The following WDPCP variants were observed in gnomAD, a reference collection of about 807,000 sequenced individuals.
WDPCP encodes the protein WD repeat-containing and planar cell polarity effector protein fritz homolog.
In WDPCP, 71 loss-of-function variants were observed where a neutral mutation model predicts 93.1. That is an observed-to-expected ratio of 0.76 (90% CI 0.63 to 0.93). WDPCP has a LOEUF of 0.93. WDPCP is among the 40% of genes least tolerant of loss of function. WDPCP has a pLI of 0.00. For synonymous variants in WDPCP, 315 were observed against 315.0 expected (o/e 1.00, Z 0.00); for missense variants, 844 against 887.4 (o/e 0.95, Z 0.62).
At chr2:63,505,049 T>C (rs1321407075) in intron 1 of WDPCP, among the ~76,000 whole-genome samples, 1 of 152,024 alleles carries the variant, frequency 6.6e-6, no homozygotes, top group African/African-American at 2.4e-5. Context: ...CCTTATTTGG[T>C]AGTGGCACCC....
chr2:63,155,975 G>T (rs1252626720), intron 15 of WDPCP, among the ~76,000 whole-genome samples: 1 of 151,960 alleles, frequency 6.6e-6, no homozygotes, highest in Non-Finnish European at 1.5e-5. Context: ...ACTATATTGA[G>T]TCCAAACCGT....
chr2:63,824,879 A>T (rs1671089068), intron 1 of WDPCP, among the ~76,000 whole-genome samples: 1 of 152,168 alleles, frequency 6.6e-6, no homozygotes. Flanking sequence ...AGTCTTAGAC[A>T]CAATGGTGAA....
chr2:63,743,370 A>G (rs1293446907), intron 2 of WDPCP, among the ~76,000 whole-genome samples: 1 of 152,088 alleles, frequency 6.6e-6, no homozygotes, highest in Non-Finnish European at 1.5e-5. Context: ...TGTCCTTGCC[A>G]CCTGATGCTG....
chr2:63,175,728 C>T (rs886483156), intron 14 of WDPCP, among the ~76,000 whole-genome samples: 3 of 152,124 alleles, frequency 2.0e-5, no homozygotes, highest in Non-Finnish European at 4.4e-5. Flanking sequence ...GCATAATGTC[C>T]TCAAGGTTTA....
chr2:63,164,947 G>A (rs1672861423), intron 15 of WDPCP, among the ~76,000 whole-genome samples: 1 of 152,004 alleles, frequency 6.6e-6, no homozygotes, highest in Non-Finnish European at 1.5e-5. Context: ...CACAAGAGAA[G>A]GCAATAAGTG....
chr2:63,727,776 T>C (rs1323343146), intron 2 of WDPCP, among the ~76,000 whole-genome samples: 1 of 152,224 alleles, frequency 6.6e-6, no homozygotes, highest in Non-Finnish European at 1.5e-5. Context: ...AGTTCAGTCT[T>C]GGGAAGTTGT....
the WDPCP span, among the ~76,000 whole-genome samples, chr2:63,835,088 T>G: frequency 1.3e-5 from 2 of 151,820 alleles, no homozygotes; most frequent in African/African-American, 4.8e-5. Flanking sequence ...TGAAGTGCAA[T>G]TTAAAATGGC....
chr2:63,755,643 A>G (rs1470729706), intron 2 of WDPCP, among the ~76,000 whole-genome samples: 1 of 152,230 alleles, frequency 6.6e-6, no homozygotes, highest in African/African-American at 2.4e-5. Flanking sequence ...TGTCTATAGA[A>G]TCTCATAGGC....
chr2:63,359,293 A>C (rs1690258884), intron 12 of WDPCP, among the ~76,000 whole-genome samples: 1 of 152,248 alleles, frequency 6.6e-6, no homozygotes, highest in Non-Finnish European at 1.5e-5. Context: ...TTGCATTTCC[A>C]AGGAAAAATC....
At chr2:63,355,832 G>A (rs2104601339) in intron 12 of WDPCP, among the ~76,000 whole-genome samples, 1 of 152,288 alleles carries the variant, frequency 6.6e-6, no homozygotes, top group South Asian at 2.1e-4. Context: ...AGGTAGCAGT[G>A]AGCTGAGACT....
At position 63,178,158 on chromosome 2, in the gene WDPCP, C is replaced by T. The variant is rs542051680; in HGVS notation, c.1916-3326G>A. ...TAATGACTTTTGCTCCAATATCTAT[C>T]AAGAACGTTGGTCTGTAGTTTTCTT... On this transcript the variant is annotated intron_variant, in intron 14 of 17. Transcript: ENST00000272321. Among the ~76,000 whole-genome samples the T allele has an allele frequency of 2.0e-5, 3 of 152,272 alleles. No individual in the cohort carries two copies. The East Asian group carries it at 5.8e-4, about 29-fold the overall frequency.
chr2:63,696,293 G>A (rs1214408220), intron 2 of WDPCP, among the ~76,000 whole-genome samples: 7 of 97,968 alleles, frequency 7.1e-5, no homozygotes, highest in East Asian at 2.0e-4. Context: ...GATCCGATCC[G>A]TTGCTAATAC....
chr2:63,568,823 G>C (rs1707269622), intron 1 of WDPCP, among the ~76,000 whole-genome samples: 1 of 152,228 alleles, frequency 6.6e-6, no homozygotes, highest in Admixed American at 6.5e-5. Context: ...ATGCTTGCTT[G>C]GACCAGTATA....
intron 10 of WDPCP, among the ~76,000 whole-genome samples, chr2:63,383,710 C>CTCAA (rs770791519): frequency 9.9e-5 from 15 of 152,136 alleles, no homozygotes; most frequent in Admixed American, 3.9e-4. Context: ...GAGACTCTGT[C>CTCAA]TCAATCAATC....
chr2:63,659,138 A>G (rs1310258363), intron 2 of WDPCP, among the ~76,000 whole-genome samples: 1 of 152,248 alleles, frequency 6.6e-6, no homozygotes, highest in Non-Finnish European at 1.5e-5. Flanking sequence ...CATATTATTT[A>G]AAAGCTAAAT....
chr2:63,703,614 CACTCTGTTCTGTTCCATGG>C (rs1669098642), intron 2 of WDPCP, among the ~76,000 whole-genome samples: 6 of 151,944 alleles, frequency 3.9e-5, no homozygotes, highest in African/African-American at 1.4e-4. Flanking sequence ...GACAGAGTCT[CACTCTGTTCTGTTCCATGG>C]GCTCTGTTCT....
chr2:63,817,730 T>TAA (rs1670957896), intron 1 of WDPCP, among the ~76,000 whole-genome samples: 1 of 152,166 alleles, frequency 6.6e-6, no homozygotes, highest in Non-Finnish European at 1.5e-5. Context: ...ACCTCTCTAC[T>TAA]AAAGTTATAG....
intron 1 of WDPCP, among the ~76,000 whole-genome samples, chr2:63,546,044 A>G (rs1705128434): frequency 6.6e-6 from 1 of 152,072 alleles, no homozygotes; most frequent in African/African-American, 2.4e-5. Context: ...CAGGATCCTA[A>G]GTCTAACCCA....
At position 63,800,165 on chromosome 2, in the gene WDPCP, G is replaced by C. The variant is rs1299733229; in HGVS notation, n.308+13457C>G. Reference sequence around the variant, plus strand: ...AGGCTTTTAGAATGTATCCAAATAGGATTCACAACTGAATGGCAACATATA... The same window carrying C: ...AGGCTTTTAGAATGTATCCAAATAGCATTCACAACTGAATGGCAACATATA... On this transcript the variant is annotated intron_variant and non_coding_transcript_variant, in intron 2 of 4. Coordinates refer to the WDPCP transcript ENST00000467687. 3.3e-5 allele frequency among the ~76,000 whole-genome samples: 5 copies of C among 151,894 alleles called. 1 individual carries two copies. Among genetic ancestry groups the C allele is most frequent in the Non-Finnish European group, 1.5e-5 (1 of 67,972 alleles).
Sources: gnomAD v4.1 joint callset for allele counts (sites outside exome capture counted in the v4.1 genomes callset) on GRCh38, gnomAD v4.1.1 for gene constraint, MANE v1.5 for transcripts, NCBI Gene and HGNC (gene_info 2026-07-23, HGNC 2026-07-21) for gene names.